The following CAST variants were observed in gnomAD, a reference collection of about 807,000 sequenced individuals.
CAST encodes the protein MIR583 host.
CAST carries 76 observed loss-of-function variants against 119.6 expected under a neutral mutation model. That is an observed-to-expected ratio of 0.64 (90% confidence interval 0.53 to 0.77). CAST has a LOEUF of 0.77. CAST is among the 30% of genes least tolerant of loss of function. The pLI is 0.00. For missense variants in CAST, 953 were observed against 946.5 expected (o/e 1.01, Z -0.09); for synonymous variants, 319 against 331.6 (o/e 0.96, Z 0.41).
At chr5:96,058,613 A>C in the CAST span, among the ~76,000 whole-genome samples, 1 of 143,504 alleles carries the variant, frequency 7.0e-6, no homozygotes, top group Admixed American at 6.9e-5. Context: ...ATAGTGGATA[A>C]TCTTTATTAT....
chr5:96,585,088 G>A (rs1477929224), intron 1 of CAST: 2 of 152,320 alleles, frequency 1.3e-5, no homozygotes, highest in East Asian at 1.9e-4. Context: ...TGCACATACT[G>A]TTATGGCTAA....
the CAST span, among the ~76,000 whole-genome samples, chr5:96,047,883 G>A: frequency 0.58 from 87,844 of 151,978 alleles, 25,776 homozygotes; most frequent in Non-Finnish European, 0.63. Flanking sequence ...ATTAAAGTCT[G>A]ATTTGAAGGA....
In CAST at chr5:96,762,388, T is replaced by C. The variant is rs765560911; in HGVS notation, c.1932+16T>C. 16 of 1,543,128 alleles carry C rather than the reference T, an allele frequency of 1.0e-5. No individual in the cohort carries two copies. Among genetic ancestry groups the C allele is most frequent in the Non-Finnish European group, 5.2e-6 (6 of 1,147,072 alleles). On this transcript the variant is annotated intron_variant, in intron 25 of 31. Coordinates refer to ENST00000675179, the MANE Select transcript of CAST (RefSeq NM_001750.7). Reference sequence around the variant, plus strand: ...TGATACCTCGGTAAGCAGCACATCTTATTTGGGAGATAAATGTTTTTGCGC... The same window carrying C: ...TGATACCTCGGTAAGCAGCACATCTCATTTGGGAGATAAATGTTTTTGCGC...
intron 16 of CAST, among the ~76,000 whole-genome samples, chr5:96,744,662 C>T (rs1178263351): frequency 6.6e-6 from 1 of 152,098 alleles, no homozygotes; most frequent in Non-Finnish European, 1.5e-5. Flanking sequence ...AGATTATTAA[C>T]CTGAATTCTT....
chr5:96,633,389 A>C (rs191008501), intron 1 of CAST, among the ~76,000 whole-genome samples: 7 of 152,284 alleles, frequency 4.6e-5, no homozygotes, highest in African/African-American at 1.7e-4. Flanking sequence ...TCTTTCAGTA[A>C]TGTTTTGTAG....
At chr5:96,670,517 G>A (rs913134006) in intron 1 of CAST, among the ~76,000 whole-genome samples, 53 of 148,764 alleles carry the variant, frequency 3.6e-4, no homozygotes, top group Non-Finnish European at 1.2e-4. Context: ...TCTTTTTTTT[G>A]TGATGGAGTT....
chr5:96,068,482 C>T, the CAST span, among the ~76,000 whole-genome samples: 1 of 152,036 alleles, frequency 6.6e-6, no homozygotes, highest in Non-Finnish European at 1.5e-5. Flanking sequence ...CTTCCAGCTC[C>T]ATCCATTCAT....
At chr5:96,349,921 A>T in the CAST span, among the ~76,000 whole-genome samples, 2 of 151,604 alleles carry the variant, frequency 1.3e-5, no homozygotes, top group Non-Finnish European at 2.9e-5. Flanking sequence ...GCATCAGTCT[A>T]ATCTACACAA....
the CAST span, among the ~76,000 whole-genome samples, chr5:96,328,374 TCTCTCTCCC>T: frequency 1.3e-4 from 3 of 22,658 alleles, no homozygotes; most frequent in Non-Finnish European, 1.5e-4. Flanking sequence ...TGTCTTTCCT[TCTCTCTCCC>T]TCTCTCTCTC....
At chr5:96,043,116 C>G in the CAST span, among the ~76,000 whole-genome samples, 4 of 152,158 alleles carry the variant, frequency 2.6e-5, no homozygotes, top group East Asian at 7.7e-4. Context: ...AAAATTTTGG[C>G]TTACCATACT....
chr5:96,116,037 A>G, the CAST span, among the ~76,000 whole-genome samples: 1 of 152,040 alleles, frequency 6.6e-6, no homozygotes, highest in Non-Finnish European at 1.5e-5. Flanking sequence ...AACTTTTACC[A>G]TAATCAAGAT....
the CAST span, among the ~76,000 whole-genome samples, chr5:96,353,372 T>C: frequency 2.0e-5 from 3 of 152,222 alleles, no homozygotes; most frequent in African/African-American, 7.2e-5. Context: ...TTATATGACC[T>C]AACTGCACTC....
the CAST span, among the ~76,000 whole-genome samples, chr5:96,194,340 G>A: frequency 6.6e-6 from 1 of 152,172 alleles, no homozygotes; most frequent in Non-Finnish European, 1.5e-5. Context: ...ATCATTTCTG[G>A]TGATGGGCCC....
At chr5:96,169,936 T>C in the CAST span, among the ~76,000 whole-genome samples, 791 of 152,096 alleles carry the variant, frequency 5.2e-3, 5 homozygotes, top group African/African-American at 0.016. Flanking sequence ...GCACCAGAGT[T>C]GGGGAGTTTT....
At chr5:96,542,327 A>G (rs900345018) in intron 1 of CAST, among the ~76,000 whole-genome samples, 1 of 152,088 alleles carries the variant, frequency 6.6e-6, no homozygotes, top group African/African-American at 2.4e-5. Flanking sequence ...AAAAAAAGAC[A>G]AAACTATTTT....
At chr5:96,517,053 T>A in the CAST span, among the ~76,000 whole-genome samples, 3 of 152,242 alleles carry the variant, frequency 2.0e-5, no homozygotes, top group South Asian at 6.2e-4. Context: ...GCCAAGAAAA[T>A]CTTCAGTCTT....
chr5:96,688,316 A>T (rs1490967091), intron 2 of CAST, among the ~76,000 whole-genome samples: 1 of 152,226 alleles, frequency 6.6e-6, no homozygotes, highest in African/African-American at 2.4e-5. Context: ...CAAATTAGAA[A>T]TGTGGAACAA....
chr5:96,640,823 G>T (rs776710474), intron 1 of CAST, among the ~76,000 whole-genome samples: 35 of 152,234 alleles, frequency 2.3e-4, no homozygotes, highest in Non-Finnish European at 4.4e-4. Context: ...GCTCTCTGAA[G>T]CTGTAGCAAT....
At chr5:96,020,016 T>C in the CAST span, among the ~76,000 whole-genome samples, 1 of 152,370 alleles carries the variant, frequency 6.6e-6, no homozygotes, top group East Asian at 1.9e-4. Context: ...CATTTTTTTC[T>C]ATATATATGT....
Sources: gnomAD v4.1 joint callset for allele counts (sites outside exome capture counted in the v4.1 genomes callset) on GRCh38, gnomAD v4.1.1 for gene constraint, MANE v1.5 for transcripts, NCBI Gene and HGNC (gene_info 2026-07-23, HGNC 2026-07-21) for gene names.